The following CACNB2 variants were observed in gnomAD, a reference collection of about 807,000 sequenced individuals.
CACNB2 encodes the protein calcium voltage-gated channel auxiliary subunit beta 2.
CACNB2 carries 42 observed loss-of-function variants against 73.3 expected under a neutral mutation model. The observed-to-expected ratio is 0.57, with a 90% CI of 0.45 to 0.74. CACNB2 has a LOEUF of 0.74. Among genes scored for constraint, CACNB2 ranks in the 30% least tolerant of loss-of-function variants. The pLI is 0.00. For synonymous variants in CACNB2, 348 were observed against 310.3 expected (o/e 1.12, Z -1.28); for missense variants, 940 against 853.0 (o/e 1.10, Z -1.27).
intron 2 of CACNB2, among the ~76,000 whole-genome samples, chr10:18,256,392 C>A (rs2037287873): frequency 6.6e-6 from 1 of 151,998 alleles, no homozygotes; most frequent in Non-Finnish European, 1.5e-5. Context: ...AATTTTTTTT[C>A]TACTTCTTAA....
chr10:18,507,719 C>T (rs191390978), intron 6 of CACNB2, among the ~76,000 whole-genome samples: 34 of 152,180 alleles, frequency 2.2e-4, no homozygotes, highest in African/African-American at 7.9e-4. Flanking sequence ...GGTTGACTGC[C>T]AGGGTGTTTC....
At position 18,324,186 on chromosome 10, in the gene CACNB2, A is replaced by G. The variant is rs571993099; in HGVS notation, c.214-77738A>G. On this transcript the variant is annotated intron_variant, in intron 2 of 13. Transcript: ENST00000324631. ...GTTTCTGTTCATGAGGAGCTTCGGC[A>G]TTACAGGGAGGAGAATTATATATTA... Among the ~76,000 whole-genome samples, 63 of 152,324 alleles carry G rather than the reference A, an allele frequency of 4.1e-4. 1 individual carries two copies. In the South Asian group the frequency reaches 0.013, roughly 31 times the overall value.
At chr10:18,287,663 C>T (rs1034779580) in intron 2 of CACNB2, among the ~76,000 whole-genome samples, 5 of 152,112 alleles carry the variant, frequency 3.3e-5, no homozygotes, top group Non-Finnish European at 5.9e-5. Context: ...CCAGCCTAGG[C>T]AACATAACAA....
intron 3 of CACNB2, among the ~76,000 whole-genome samples, chr10:18,424,251 G>A (rs1472555562): frequency 6.6e-6 from 1 of 152,142 alleles, no homozygotes; most frequent in African/African-American, 2.4e-5. Flanking sequence ...CTGAAGAAGT[G>A]TTACAGCTCC....
chr10:18,274,055 C>T (rs926829390), intron 2 of CACNB2, among the ~76,000 whole-genome samples: 1 of 152,134 alleles, frequency 6.6e-6, no homozygotes, highest in African/African-American at 2.4e-5. Flanking sequence ...CCTTGGGGGT[C>T]CTACTAACCT....
intron 3 of CACNB2, among the ~76,000 whole-genome samples, chr10:18,403,965 A>G (rs962860314): frequency 2.0e-5 from 3 of 152,068 alleles, no homozygotes; most frequent in Non-Finnish European, 4.4e-5. Context: ...ATATTTTTAA[A>G]TAACTTAAAG....
chr10:18,516,425 G>T (rs765180663), intron 7 of CACNB2, among the ~76,000 whole-genome samples: 1 of 152,148 alleles, frequency 6.6e-6, no homozygotes, highest in African/African-American at 2.4e-5. Context: ...AGGAACCAAA[G>T]ACCTATCAAA....
intron 2 of CACNB2, among the ~76,000 whole-genome samples, chr10:18,254,381 A>G (rs1347817474): frequency 6.6e-6 from 1 of 152,198 alleles, no homozygotes; most frequent in Non-Finnish European, 1.5e-5. Context: ...TTTAGTGTGC[A>G]TTCCATGATT....
At chr10:18,486,368 C>G (rs1195913978) in intron 3 of CACNB2, among the ~76,000 whole-genome samples, 1 of 152,056 alleles carries the variant, frequency 6.6e-6, no homozygotes, top group African/African-American at 2.4e-5. Flanking sequence ...ATTTCATAAC[C>G]AAAGATATTT....
At chr10:18,397,937 A>G (rs372860790) in intron 2 of CACNB2, among the ~76,000 whole-genome samples, 5 of 152,308 alleles carry the variant, frequency 3.3e-5, no homozygotes, top group South Asian at 2.1e-4. Context: ...ATTAAGATGT[A>G]GAAAAGGAAA....
chr10:18,283,814 A>G (rs371955604), intron 2 of CACNB2, among the ~76,000 whole-genome samples: 1 of 152,206 alleles, frequency 6.6e-6, no homozygotes, highest in East Asian at 1.9e-4. Context: ...AACTTAAAGT[A>G]TAATAAAAAA....
chr10:18,541,257 G>C lies in CACNB2; in HGVS notation c.*1533G>C, dbSNP rs182588505. On this transcript the variant is annotated 3_prime_UTR_variant, in exon 14 of 14. Coordinates refer to ENST00000324631, the MANE Select transcript of CACNB2 (RefSeq NM_201596.3). Reference sequence around the variant, plus strand: ...TAACCAAAGTTTCTGTTCTTCAGAAGAAATCAGGGCAAAATGGGGTGACTT... The same window carrying C: ...TAACCAAAGTTTCTGTTCTTCAGAACAAATCAGGGCAAAATGGGGTGACTT... The C allele has an allele frequency of 2.0e-5, 3 of 152,752 alleles. No individual in the cohort carries two copies. The highest frequency in any genetic ancestry group is 1.3e-4 in the Admixed American group (2 of 15,292). The allele number at this position is 152,752 out of a possible 1,614,324, so 9.5% of individuals were successfully genotyped here. A position where few individuals can be genotyped will look rare whatever the true frequency, so the allele number is the denominator to read the frequency against.
chr10:18,316,069 C>T (rs1359473638), intron 2 of CACNB2, among the ~76,000 whole-genome samples: 1 of 152,102 alleles, frequency 6.6e-6, no homozygotes, highest in Admixed American at 6.6e-5. Flanking sequence ...TCCAAATTCC[C>T]AAAATTTTAA....
At chr10:18,438,730 A>G (rs534243329) in intron 3 of CACNB2, among the ~76,000 whole-genome samples, 3 of 152,238 alleles carry the variant, frequency 2.0e-5, no homozygotes, top group African/African-American at 7.2e-5. Flanking sequence ...TAAAACATCA[A>G]TTCCTTGATC....
intron 2 of CACNB2, among the ~76,000 whole-genome samples, chr10:18,336,914 G>A (rs1436189914): frequency 3.3e-5 from 5 of 152,032 alleles, no homozygotes; most frequent in Admixed American, 2.0e-4. Context: ...ATTGTAGAAA[G>A]TTTGAAAAGT....
At chr10:18,399,783 A>G (rs2043898409) in intron 2 of CACNB2, among the ~76,000 whole-genome samples, 1 of 152,142 alleles carries the variant, frequency 6.6e-6, no homozygotes, top group Admixed American at 6.5e-5. Flanking sequence ...GACTACAATG[A>G]GAGCATTTTG....
intron 2 of CACNB2, among the ~76,000 whole-genome samples, chr10:18,162,592 A>G (rs1246600936): frequency 6.6e-6 from 1 of 152,236 alleles, no homozygotes; most frequent in East Asian, 1.9e-4. Flanking sequence ...GATTATTATT[A>G]ACATCAGGGA....
intron 3 of CACNB2, among the ~76,000 whole-genome samples, chr10:18,412,452 G>A (rs1051845807): frequency 6.6e-6 from 1 of 151,920 alleles, no homozygotes; most frequent in Non-Finnish European, 1.5e-5. Flanking sequence ...ATCACCCCAG[G>A]CTTTATTCTC....
chr10:18,385,255 C>T (rs2043176311), intron 2 of CACNB2, among the ~76,000 whole-genome samples: 1 of 150,988 alleles, frequency 6.6e-6, no homozygotes, highest in African/African-American at 2.4e-5. Flanking sequence ...TGCACTCCAG[C>T]CTGAGCAACA....
Sources: allele counts gnomAD v4.1 joint callset (sites outside exome capture counted in the v4.1 genomes callset), GRCh38; gene constraint gnomAD v4.1.1; transcripts MANE v1.5; gene names NCBI Gene and HGNC (gene_info 2026-07-23, HGNC 2026-07-21).